Variants in ATG4B observed in about 807,000 individuals in gnomAD.
The protein encoded by ATG4B is cysteine protease ATG4B.
Under a neutral mutation model 56.6 loss-of-function variants are expected in ATG4B, and 29 were observed. The ratio of observed to expected loss-of-function variants is 0.51; its 90% confidence interval spans 0.38 to 0.70. The LOEUF is 0.70. Ranked by LOEUF, ATG4B falls within the 30% of genes least tolerant of loss-of-function variation. The pLI is 0.00. For synonymous variants in ATG4B, 224 were observed against 206.1 expected (o/e 1.09, Z -0.74); for missense variants, 461 against 515.5 (o/e 0.89, Z 1.02).
rs771222789 is a variant in ATG4B, at chr2:241,655,361, A to G, written c.458+18A>G. Reference sequence around the variant, plus strand: ...GTCCTGAAGTATGTACTGCGCTTCCACTGCTGAGCATGGGGCAGCAGGGAT... The same window carrying G: ...GTCCTGAAGTATGTACTGCGCTTCCGCTGCTGAGCATGGGGCAGCAGGGAT... On this transcript the variant is annotated intron_variant, in intron 6 of 12. Coordinates refer to ENST00000404914, the MANE Select transcript of ATG4B (RefSeq NM_013325.5). 34 of 1,598,064 alleles carry G rather than the reference A, an allele frequency of 2.1e-5. No individual in the cohort carries two copies. In the Admixed American group the frequency reaches 4.2e-4, roughly 20 times the overall value.
Position 241,672,282 on chromosome 2 carries a change from G to C in ATG4B, c.*18G>C, listed in dbSNP as rs2069003380. ...CCCTTTGAAAATCCTGGGGTCGGGG[G>C]TGGCACCTGTGAGAGCCTGGGGCTC... is the stretch of plus-strand genomic sequence containing the variant. On this transcript the variant is annotated 3_prime_UTR_variant, in exon 13 of 13. Transcript: ENST00000404914. The C allele has an allele frequency of 2.6e-6, 4 of 1,555,464 alleles. No homozygotes were observed. Among genetic ancestry groups the C allele is most frequent in the African/African-American group, 2.7e-5 (2 of 73,596 alleles).
chr2:241,671,585 C>T (rs535301652), intron 12 of ATG4B, 180 bp downstream of exon 12: 92 of 1,518,774 alleles, frequency 6.1e-5, no homozygotes, highest in Middle Eastern at 5.1e-4. Flanking sequence ...TCCAAGCTTG[C>T]GCCCAGCAGC....
chr2:241,670,857 A>G (rs1383650578), intron 11 of ATG4B, 75 bp downstream of exon 11: 1 of 1,455,236 alleles, frequency 6.9e-7, no homozygotes, highest in African/African-American at 1.4e-5. Flanking sequence ...CAGGGGTCGA[A>G]GGCCTGCGTC....
At chr2:241,658,445 G>T (rs948696553) in intron 6 of ATG4B, among the ~76,000 whole-genome samples, 1 of 151,978 alleles carries the variant, frequency 6.6e-6, no homozygotes, top group Non-Finnish European at 1.5e-5. Flanking sequence ...CTTGCATTCT[G>T]TCCCCGGGAG....
intron 7 of ATG4B, among the ~76,000 whole-genome samples, chr2:241,664,605 C>T (rs1247538184): frequency 1.3e-5 from 2 of 152,064 alleles, no homozygotes; most frequent in African/African-American, 4.8e-5. Context: ...CATAATCGCA[C>T]CTCTCAGGGA....
chr2:241,659,233 G>A, intron 7 of ATG4B, 46 bp downstream of exon 7: 2 of 1,543,518 alleles, frequency 1.3e-6, no homozygotes, highest in Admixed American at 1.7e-5. Context: ...GAAATCACGG[G>A]CAACATACAC....
intron 12 of ATG4B, 167 bp downstream of exon 12, chr2:241,671,572 T>C (rs2068972613): frequency 6.6e-7 from 1 of 1,524,778 alleles, no homozygotes; most frequent in African/African-American, 1.4e-5. Flanking sequence ...GAGCGTCCCC[T>C]CCTCCAAGCT....
intron 10 of ATG4B, 49 bp from the exon 11 acceptor site, chr2:241,670,677 C>T (rs779032636): frequency 8.4e-6 from 13 of 1,538,698 alleles, no homozygotes; most frequent in Non-Finnish European, 1.2e-5. Flanking sequence ...ACCTCTTAGC[C>T]GACTGCAGAT....
At position 241,668,747 on chromosome 2, in the gene ATG4B, G is replaced by A; in HGVS notation, c.957+62G>A. The A allele has an allele frequency of 1.3e-6, 2 of 1,515,266 alleles. No individual in the cohort carries two copies. Among genetic ancestry groups the A allele is most frequent in the East Asian group, 2.4e-5 (1 of 40,836 alleles). The allele number at this position is 1,515,266 out of a possible 1,614,324, so 93.9% of individuals were successfully genotyped here. ...GCTGAATGCTGTTTGGGAATGACGA[G>A]GAAAACTTTCGGATTTTTGCGTTTT... On this transcript the variant is annotated intron_variant, in intron 10 of 12. Transcript: ENST00000404914. The surrounding 1 kb of genome is among the most constrained non-coding windows in gnomAD (Gnocchi z 4.2).
chr2:241,673,536 GC>G lies in ATG4B; in HGVS notation c.*1275del. Reference sequence around the variant, plus strand: ...CGCGCCGGACAGTCGGCACTGACCGGCCCACCTGGTAGCAGAGGACACCCCC... The same window carrying G: ...CGCGCCGGACAGTCGGCACTGACCGGCCACCTGGTAGCAGAGGACACCCCC... On this transcript the variant is annotated 3_prime_UTR_variant, in exon 13 of 13. Transcript: ENST00000404914. 1 of 452,890 alleles carries G rather than the reference GC, an allele frequency of 2.2e-6. No individual in the cohort carries two copies. The highest frequency in any genetic ancestry group is 4.4e-6 in the Non-Finnish European group (1 of 225,460). 28.1% of individuals were successfully genotyped at this position (452,890 alleles called of 1,614,324 possible).
intron 1 of ATG4B, among the ~76,000 whole-genome samples, chr2:241,643,678 G>GTGTGTGTGTA (rs1409852740): frequency 0.01 from 1,378 of 134,038 alleles, 45 homozygotes; most frequent in African/African-American, 0.04. Flanking sequence ...GTGTGTGTGT[G>GTGTGTGTGTA]TGTATGTATA....
chr2:241,640,789 G>T (rs886496890), intron 1 of ATG4B, among the ~76,000 whole-genome samples: 3 of 152,138 alleles, frequency 2.0e-5, no homozygotes, highest in Non-Finnish European at 4.4e-5. Context: ...AGGTGCAGCG[G>T]GTGGCGGTGG....
chr2:241,647,574 C>A (rs1169217173), intron 1 of ATG4B, among the ~76,000 whole-genome samples: 1 of 141,536 alleles, frequency 7.1e-6, no homozygotes, highest in Non-Finnish European at 1.5e-5. Flanking sequence ...GAGCCGAGAT[C>A]GCGCTACTGC....
In ATG4B at chr2:241,672,307, C is replaced by T. The variant is rs374421059; in HGVS notation, c.*43C>T. 5.0e-5 allele frequency: 75 copies of T among 1,496,002 alleles called. No homozygotes were observed. The highest frequency in any genetic ancestry group is 1.8e-4 in the Admixed American group (9 of 51,056). 92.7% of individuals were successfully genotyped at this position (1,496,002 alleles called of 1,614,324 possible). A position where few individuals can be genotyped will look rare whatever the true frequency, so the allele number is the denominator to read the frequency against. ...GTGGCACCTGTGAGAGCCTGGGGCT[C>T]CTGGTGCCGCTGCGTTTCATCCATC... On this transcript the variant is annotated 3_prime_UTR_variant, in exon 13 of 13. Transcript: ENST00000404914.
chr2:241,666,865 C>T (rs1191928116), intron 8 of ATG4B, 27 bp downstream of exon 8: 2 of 1,538,554 alleles, frequency 1.3e-6, no homozygotes, highest in Admixed American at 2.0e-5. Flanking sequence ...GGCGCTTGCC[C>T]TGAGTCCCCG....
chr2:241,657,940 C>T (rs2068459698), intron 6 of ATG4B, among the ~76,000 whole-genome samples: 2 of 152,190 alleles, frequency 1.3e-5, no homozygotes, highest in African/African-American at 4.8e-5. Flanking sequence ...AGGGCCTTTG[C>T]ATGTGTGGTG....
intron 6 of ATG4B, among the ~76,000 whole-genome samples, chr2:241,657,639 C>T (rs1193741685): frequency 3.9e-5 from 6 of 152,012 alleles, no homozygotes; most frequent in African/African-American, 1.2e-4. Flanking sequence ...TTCAAAATAT[C>T]AATTCCTCTT....
intron 1 of ATG4B, among the ~76,000 whole-genome samples, chr2:241,640,875 C>T (rs1010965750): frequency 1.1e-4 from 16 of 151,948 alleles, no homozygotes; most frequent in Non-Finnish European, 5.9e-5. Flanking sequence ...AGTGAGGACT[C>T]GGTGTTTATT....
At chr2:241,644,947 CA>C (rs35177697) in intron 1 of ATG4B, among the ~76,000 whole-genome samples, 174 of 137,166 alleles carry the variant, frequency 1.3e-3, no homozygotes, top group Admixed American at 1.5e-3. Context: ...AACTCCATCT[CA>C]AAAAAAAAAA....
Sources: allele counts gnomAD v4.1 joint callset (sites outside exome capture counted in the v4.1 genomes callset), GRCh38; gene constraint gnomAD v4.1.1; non-coding constraint Gnocchi (gnomAD v3.1); transcripts MANE v1.5; gene names NCBI Gene and HGNC (gene_info 2026-07-23, HGNC 2026-07-21).